The following MED12L variants were observed in gnomAD, a reference collection of about 807,000 sequenced individuals.
The protein encoded by MED12L is mediator of RNA polymerase II transcription subunit 12-like protein.
MED12L carries 60 observed loss-of-function variants against 281.3 expected under a neutral mutation model. That is an observed-to-expected ratio of 0.21 (90% CI 0.17 to 0.26). The LOEUF is 0.26. MED12L is among the 10% of genes least tolerant of loss of function. The pLI is 1.00. For missense variants in MED12L, 2,146 were observed against 2,680.9 expected (o/e 0.80, Z 4.41); for synonymous variants, 974 against 987.2 (o/e 0.99, Z 0.25).
At chr3:151,242,316 G>T (rs1734327078) in intron 16 of MED12L, among the ~76,000 whole-genome samples, 1 of 152,220 alleles carries the variant, frequency 6.6e-6, no homozygotes, top group Non-Finnish European at 1.5e-5. Context: ...CCACCTCTGG[G>T]GGCAGGGCAC....
intron 16 of MED12L, among the ~76,000 whole-genome samples, chr3:151,230,365 T>G (rs1731409894): frequency 1.3e-5 from 2 of 152,232 alleles, no homozygotes; most frequent in Non-Finnish European, 2.9e-5. Context: ...GTCAGTCAAG[T>G]ACAGTGTAAG....
chr3:151,117,977 G>A (rs185851076), intron 3 of MED12L, among the ~76,000 whole-genome samples: 15 of 151,500 alleles, frequency 9.9e-5, no homozygotes, highest in Admixed American at 4.0e-4. Flanking sequence ...TGTAATCCCA[G>A]CTACTTGGGA....
intron 16 of MED12L, among the ~76,000 whole-genome samples, chr3:151,201,223 A>ACTCTCT (rs58729370): frequency 1.4e-5 from 2 of 147,982 alleles, no homozygotes; most frequent in South Asian, 2.1e-4. Context: ...ACGTGCACAC[A>ACTCTCT]CTCTCTCTCT....
At chr3:151,126,983 A>C (rs1440544904) in intron 4 of MED12L, among the ~76,000 whole-genome samples, 1 of 152,100 alleles carries the variant, frequency 6.6e-6, no homozygotes, top group East Asian at 1.9e-4. Flanking sequence ...CCTCAGTCTC[A>C]TTGCTCTCAT....
chr3:151,302,224 G>A (rs1408821109), intron 16 of MED12L, among the ~76,000 whole-genome samples: 2 of 152,184 alleles, frequency 1.3e-5, no homozygotes, highest in Admixed American at 6.5e-5. Context: ...GGGGTTGGGG[G>A]CAGGAGTGGA....
intron 5 of MED12L, among the ~76,000 whole-genome samples, chr3:151,151,030 G>GTT (rs1342933481): frequency 8.5e-5 from 1 of 11,808 alleles, no homozygotes; most frequent in African/African-American, 2.8e-4. Context: ...TGCTGAAGTA[G>GTT]CTTTTTTTTT....
chr3:151,208,804 G>A (rs1428589820), intron 16 of MED12L, among the ~76,000 whole-genome samples: 1 of 152,178 alleles, frequency 6.6e-6, no homozygotes, highest in Non-Finnish European at 1.5e-5. Context: ...TAAGCCCTTT[G>A]CCACACACTT....
rs984760207 is a variant in MED12L, at chr3:151,198,339, T to G, written c.2250+4673T>G. The G allele has an allele frequency of 2.3e-5, 24 of 1,022,514 alleles. 1 individual carries two copies. The South Asian group carries it at 3.0e-4, about 13-fold the overall frequency. The allele number at this position is 1,022,514 out of a possible 1,614,324, so 63.3% of individuals were successfully genotyped here. A position where few individuals can be genotyped will look rare whatever the true frequency, so the allele number is the denominator to read the frequency against. On this transcript the variant is annotated intron_variant, in intron 16 of 44. Coordinates refer to ENST00000687756, the MANE Select transcript of MED12L (RefSeq NM_001393769.1). ...TGTATTTTTTCATACTGAGTTTTTT[T>G]TTGTTTTTTTTTTTTTTATCTTTCA...
At position 151,417,476 on chromosome 3, in the gene MED12L, T is replaced by TCC. The variant is rs796227072; in HGVS notation, c.6408+1061_6408+1062dup. 5.5e-3 allele frequency among the ~76,000 whole-genome samples: 163 copies of TCC among 29,470 alleles called. 5 individuals carry two copies. Among genetic ancestry groups the TCC allele is most frequent in the African/African-American group, 0.013 (134 of 10,014 alleles). The allele number at this position is 29,470 out of a possible 152,430, so 19.3% of individuals were successfully genotyped here. A position where few individuals can be genotyped will look rare whatever the true frequency, so the allele number is the denominator to read the frequency against. On this transcript the variant is annotated intron_variant, in intron 43 of 44. Coordinates refer to ENST00000687756, the MANE Select transcript of MED12L (RefSeq NM_001393769.1). ...AGCCAGTTTGTTCCGCTCCCCCAGC[T>TCC]CCCCCCCCGCCTTTTTTTTTTTTTT... is the stretch of plus-strand genomic sequence containing the variant.
intron 2 of MED12L, among the ~76,000 whole-genome samples, chr3:151,111,963 A>G (rs1175264029): frequency 1.3e-5 from 2 of 152,008 alleles, no homozygotes; most frequent in African/African-American, 2.4e-5. Context: ...TGTCACTGAA[A>G]CCTTCAACTG....
intron 16 of MED12L, among the ~76,000 whole-genome samples, chr3:151,307,549 G>A (rs1213991536): frequency 2.3e-5 from 3 of 131,952 alleles, no homozygotes; most frequent in Admixed American, 7.7e-5. Context: ...GTGTGTGTGT[G>A]TGTGTGTGTG....
chr3:151,197,524 C>T (rs914329907), intron 16 of MED12L, among the ~76,000 whole-genome samples: 3 of 152,166 alleles, frequency 2.0e-5, no homozygotes, highest in African/African-American at 7.2e-5. Flanking sequence ...CACTGAGTAG[C>T]TCGGCCTGTG....
At chr3:151,222,842 C>T (rs939334633) in intron 16 of MED12L, among the ~76,000 whole-genome samples, 2 of 151,988 alleles carry the variant, frequency 1.3e-5, no homozygotes, top group Non-Finnish European at 2.9e-5. Flanking sequence ...TTGTTGTAGT[C>T]GGGACTTTAG....
chr3:151,224,363 A>G (rs144306124), intron 16 of MED12L, among the ~76,000 whole-genome samples: 13 of 152,080 alleles, frequency 8.5e-5, no homozygotes, highest in African/African-American at 2.9e-4. Flanking sequence ...AATAGTATAG[A>G]TGTATGTAAT....
intron 17 of MED12L, among the ~76,000 whole-genome samples, chr3:151,351,148 C>G (rs1180840630): frequency 6.6e-6 from 1 of 152,108 alleles, no homozygotes; most frequent in Non-Finnish European, 1.5e-5. Context: ...AGATCCAGTT[C>G]CTAGACTTTA....
In MED12L at chr3:151,193,571, T is replaced by C. The variant is rs374985552; in HGVS notation, c.2155T>C (p.Leu719=). The C allele has an allele frequency of 4.0e-5, 65 of 1,613,944 alleles. No homozygotes were observed. Among genetic ancestry groups the C allele is most frequent in the Non-Finnish European group, 5.1e-5 (60 of 1,179,932 alleles). The change falls in exon 16 of 45, where the codon TTG becomes CTG. Residue 719 remains leucine, a synonymous_variant. Coordinates refer to ENST00000687756, the MANE Select transcript of MED12L (RefSeq NM_001393769.1). Reference sequence around the variant, plus strand: ...AAGAATGTCAGTTAATTGTGAGAAGTTGGTGAAGAGGGAAAAGCCAAGGGA... The same window carrying C: ...AAGAATGTCAGTTAATTGTGAGAAGCTGGTGAAGAGGGAAAAGCCAAGGGA... ...GRRMSVNCEK[L]VKREKPRELI...
At chr3:151,379,842 TA>T (rs1189748443) in intron 31 of MED12L, among the ~76,000 whole-genome samples, 1 of 152,238 alleles carries the variant, frequency 6.6e-6, no homozygotes, top group Non-Finnish European at 1.5e-5. Context: ...CACTGTCTTC[TA>T]CCCTCACTGC....
At chr3:151,107,786 A>AG (rs149392650) in intron 2 of MED12L, among the ~76,000 whole-genome samples, 4,701 of 152,284 alleles carry the variant, frequency 0.031, 88 homozygotes, top group Non-Finnish European at 0.044. Flanking sequence ...CAGTCCTGTG[A>AG]GTTATTCCTG....
chr3:151,344,138 T>G (rs1185889545), intron 16 of MED12L, among the ~76,000 whole-genome samples: 1 of 151,964 alleles, frequency 6.6e-6, no homozygotes, highest in Non-Finnish European at 1.5e-5. Flanking sequence ...GACATCCCAG[T>G]CTTAAGTGTT....
Sources: gnomAD v4.1 joint callset for allele counts (sites outside exome capture counted in the v4.1 genomes callset) on GRCh38, gnomAD v4.1.1 for gene constraint, MANE v1.5 for transcripts, NCBI Gene and HGNC (gene_info 2026-07-23, HGNC 2026-07-21) for gene names.